Variants in CCSER1 observed in about 807,000 individuals in gnomAD.
The protein encoded by CCSER1 is coiled-coil serine rich protein 1.
In CCSER1, 41 loss-of-function variants were observed where a neutral mutation model predicts 82.0. The observed-to-expected ratio is 0.50, with a 90% CI of 0.39 to 0.65. CCSER1 has a LOEUF of 0.65. Ranked by LOEUF, CCSER1 falls within the 30% of genes least tolerant of loss-of-function variation. The pLI is 0.00. For missense variants in CCSER1, 1,119 were observed against 1,064.2 expected, an observed-to-expected ratio of 1.05 and a Z score of -0.72; for synonymous variants, 414 against 383.9, an observed-to-expected ratio of 1.08 and a Z score of -0.92.
At chr4:90,554,918 A>G (rs1777932553) in intron 5 of CCSER1, among the ~76,000 whole-genome samples, 1 of 152,210 alleles carries the variant, frequency 6.6e-6, no homozygotes, top group South Asian at 2.1e-4. Flanking sequence ...CCAACTCTTA[A>G]TGAAATATTT....
chr4:91,335,075 T>C (rs982217975), intron 10 of CCSER1, among the ~76,000 whole-genome samples: 2 of 152,090 alleles, frequency 1.3e-5, no homozygotes, highest in South Asian at 4.1e-4. Flanking sequence ...ATTGCAGAAA[T>C]GAGAATAGGC....
chr4:90,921,016 A>C (rs1728305205), intron 8 of CCSER1, among the ~76,000 whole-genome samples: 2 of 151,690 alleles, frequency 1.3e-5, no homozygotes, highest in Admixed American at 1.3e-4. Context: ...AAATTAATAT[A>C]GATAGATTTA....
intron 10 of CCSER1, among the ~76,000 whole-genome samples, chr4:91,219,808 C>A (rs1039158068): frequency 2.0e-5 from 3 of 151,970 alleles, no homozygotes; most frequent in Non-Finnish European, 4.4e-5. Context: ...TTTTACCAAC[C>A]TAAATCCATT....
intron 5 of CCSER1, among the ~76,000 whole-genome samples, chr4:90,517,531 A>G (rs1287037249): frequency 6.6e-6 from 1 of 152,154 alleles, no homozygotes; most frequent in Non-Finnish European, 1.5e-5. Flanking sequence ...CCAATAATTT[A>G]GTTTTACACA....
intron 10 of CCSER1, among the ~76,000 whole-genome samples, chr4:91,110,135 T>C (rs1307935606): frequency 6.6e-6 from 1 of 152,026 alleles, no homozygotes; most frequent in East Asian, 1.9e-4. Flanking sequence ...TGTCCTATGC[T>C]TGGTTATGTA....
At chr4:90,731,950 A>T (rs1298530217) in intron 7 of CCSER1, among the ~76,000 whole-genome samples, 1 of 151,758 alleles carries the variant, frequency 6.6e-6, no homozygotes, top group Non-Finnish European at 1.5e-5. Context: ...CTGAAGGCTC[A>T]GGTGAGGTAG....
intron 10 of CCSER1, among the ~76,000 whole-genome samples, chr4:91,203,849 T>C (rs1315442242): frequency 6.6e-6 from 1 of 151,884 alleles, no homozygotes; most frequent in East Asian, 1.9e-4. Flanking sequence ...GTCTGTTGAA[T>C]CTACAGTTCA....
intron 10 of CCSER1, among the ~76,000 whole-genome samples, chr4:91,309,024 A>G (rs1745262454): frequency 1.3e-5 from 2 of 151,934 alleles, no homozygotes; most frequent in Non-Finnish European, 2.9e-5. Flanking sequence ...TTTTAAGGAC[A>G]CTTTTTGTAG....
chr4:90,733,966 C>T lies in CCSER1; in HGVS notation c.2010+9975C>T, dbSNP rs577630250. ...TTCAAGTCAGGTAATGTGATTCCTC[C>T]AATTTTGTTCTTTTTGCTCAGGATA... On this transcript the variant is annotated intron_variant, in intron 7 of 10. Transcript: ENST00000509176. Among the ~76,000 whole-genome samples, 109 of 152,048 alleles carry T rather than the reference C, an allele frequency of 7.2e-4. 1 individual carries two copies. Among genetic ancestry groups the T allele is most frequent in the Admixed American group, 6.1e-3 (94 of 15,286 alleles).
chr4:90,408,804 GA>G (rs1197244044), intron 4 of CCSER1, among the ~76,000 whole-genome samples: 1 of 152,236 alleles, frequency 6.6e-6, no homozygotes, highest in East Asian at 1.9e-4. Context: ...TGAGTTGAGA[GA>G]AGAAGGCTTC....
At chr4:90,692,140 T>C (rs1048389745) in intron 6 of CCSER1, among the ~76,000 whole-genome samples, 6 of 151,000 alleles carry the variant, frequency 4.0e-5, no homozygotes, top group Non-Finnish European at 8.9e-5. Context: ...GTATTTCTCA[T>C]TCACAAATCT....
At chr4:90,961,572 C>T (rs1272486333) in intron 9 of CCSER1, among the ~76,000 whole-genome samples, 1 of 151,882 alleles carries the variant, frequency 6.6e-6, no homozygotes, top group African/African-American at 2.4e-5. Context: ...AAGTTTCATT[C>T]ATAAAGTACT....
At chr4:91,089,299 T>C (rs1723701687) in intron 10 of CCSER1, among the ~76,000 whole-genome samples, 1 of 152,152 alleles carries the variant, frequency 6.6e-6, no homozygotes. Flanking sequence ...GTGGATAATA[T>C]CGGTTGCTAG....
At chr4:90,741,498 G>A (rs1012201608) in intron 7 of CCSER1, among the ~76,000 whole-genome samples, 1 of 152,128 alleles carries the variant, frequency 6.6e-6, no homozygotes, top group Non-Finnish European at 1.5e-5. Flanking sequence ...TTTAAAATAC[G>A]TGATATATAC....
chr4:91,576,024 T>A (rs1277896421), intron 10 of CCSER1, among the ~76,000 whole-genome samples: 1 of 151,798 alleles, frequency 6.6e-6, no homozygotes, highest in Non-Finnish European at 1.5e-5. Context: ...GGAAATGAAA[T>A]CAGTATGTCA....
intron 9 of CCSER1, among the ~76,000 whole-genome samples, chr4:90,974,773 A>G (rs1345093477): frequency 6.6e-6 from 1 of 151,422 alleles, no homozygotes; most frequent in East Asian, 1.9e-4. Context: ...TGATATGATT[A>G]TATAATAGTA....
At position 90,479,499 on chromosome 4, in the gene CCSER1, T is replaced by C. The variant is rs575273976; in HGVS notation, c.1724+11145T>C. On this transcript the variant is annotated intron_variant, in intron 5 of 10. Coordinates refer to ENST00000509176, the MANE Select transcript of CCSER1 (RefSeq NM_001145065.2). ...CCATTAACTCATCATTTACATTAGG[T>C]ATATCTCCTAATGCTATCCCTCCCC... Among the ~76,000 whole-genome samples, 6 of 152,262 alleles carry C rather than the reference T, an allele frequency of 3.9e-5. 1 individual carries two copies. The South Asian group carries it at 1.2e-3, about 32-fold the overall frequency.
At chr4:90,432,733 G>A (rs556489149) in intron 4 of CCSER1, among the ~76,000 whole-genome samples, 2 of 152,176 alleles carry the variant, frequency 1.3e-5, no homozygotes, top group South Asian at 2.1e-4. Context: ...GAGACTATGG[G>A]TATGTGTCAC....
At chr4:90,546,710 A>G (rs756871492) in intron 5 of CCSER1, among the ~76,000 whole-genome samples, 73 of 152,262 alleles carry the variant, frequency 4.8e-4, no homozygotes, top group African/African-American at 1.6e-3. Flanking sequence ...ACTGGAAACA[A>G]TATTTTTCAA....
Sources: gnomAD v4.1 joint callset for allele counts (sites outside exome capture counted in the v4.1 genomes callset) on GRCh38, gnomAD v4.1.1 for gene constraint, MANE v1.5 for transcripts, NCBI Gene and HGNC (gene_info 2026-07-23, HGNC 2026-07-21) for gene names.